RGS7BP: variants seen among roughly 807,000 people sequenced by gnomAD.
The protein encoded by RGS7BP is regulator of G protein signaling 7-binding protein.
Under a neutral mutation model 31.3 loss-of-function variants are expected in RGS7BP, and 9 were observed. That is an observed-to-expected ratio of 0.29 (90% CI 0.17 to 0.50). The LOEUF is 0.50. RGS7BP is among the 20% of genes least tolerant of loss of function. The pLI is 0.98. For synonymous variants in RGS7BP, 115 were observed against 120.1 expected (o/e 0.96, Z 0.28); for missense variants, 274 against 322.0 (o/e 0.85, Z 1.14).
chr5:64,527,939 A>G (rs917603045), intron 2 of RGS7BP, among the ~76,000 whole-genome samples: 16 of 152,200 alleles, frequency 1.1e-4, no homozygotes, highest in African/African-American at 3.4e-4. Context: ...AGAGAGAAAA[A>G]ATCTATCCAC....
At chr5:64,588,752 ATGAAGTCAAGGT>A (rs1357152412) in intron 3 of RGS7BP, among the ~76,000 whole-genome samples, 1 of 152,180 alleles carries the variant, frequency 6.6e-6, no homozygotes, top group Non-Finnish European at 1.5e-5. Context: ...GGACTGAAAG[ATGAAGTCAAGGT>A]ATTCTCCCAG....
chr5:64,557,429 T>G (rs1357624435), intron 2 of RGS7BP, among the ~76,000 whole-genome samples: 2 of 152,176 alleles, frequency 1.3e-5, no homozygotes, highest in Non-Finnish European at 1.5e-5. Flanking sequence ...CTGATACAAG[T>G]GCTCTTTGCA....
intron 2 of RGS7BP, among the ~76,000 whole-genome samples, chr5:64,560,302 C>T (rs1303075636): frequency 6.6e-6 from 1 of 152,006 alleles, no homozygotes; most frequent in Non-Finnish European, 1.5e-5. Context: ...AATGATCAGG[C>T]CCCACCCCTG....
At chr5:64,540,875 G>A (rs1741510541) in intron 2 of RGS7BP, among the ~76,000 whole-genome samples, 1 of 152,174 alleles carries the variant, frequency 6.6e-6, no homozygotes, top group East Asian at 1.9e-4. Flanking sequence ...AAGCCCCTGA[G>A]CAAAGATGAC....
Position 64,506,576 on chromosome 5 carries a change from G to A in RGS7BP, c.-49G>A, listed in dbSNP as rs1456832481. On this transcript the variant is annotated 5_prime_UTR_variant, in exon 1 of 6. Transcript: ENST00000334025. This position sits in a 1 kb window ranked among gnomAD's most constrained non-coding sequence, Gnocchi z 4.6. Reference sequence around the variant, plus strand: ...GCCCAGGGCAACAACCGGGCCGCCCGCGCCGGGGCGCACTGCACCAGCGGC... The same window carrying A: ...GCCCAGGGCAACAACCGGGCCGCCCACGCCGGGGCGCACTGCACCAGCGGC... 1.3e-6 allele frequency: 2 copies of A among 1,531,466 alleles called. No homozygotes were observed. The highest frequency in any genetic ancestry group is 1.4e-5 in the African/African-American group (1 of 72,172). 94.9% of individuals were successfully genotyped at this position (1,531,466 alleles called of 1,614,324 possible). A position where few individuals can be genotyped will look rare whatever the true frequency, so the allele number is the denominator to read the frequency against.
intron 5 of RGS7BP, among the ~76,000 whole-genome samples, chr5:64,602,164 G>A (rs1743235349): frequency 6.6e-6 from 1 of 152,110 alleles, no homozygotes; most frequent in African/African-American, 2.4e-5. Context: ...GCTGTGTGAG[G>A]CAGAAGAATT....
chr5:64,575,775 C>G lies in RGS7BP; in HGVS notation c.334C>G (p.Pro112Ala), dbSNP rs1217692165. 1 of 1,605,752 alleles carries G rather than the reference C, an allele frequency of 6.2e-7. No homozygotes were observed. Among genetic ancestry groups the G allele is most frequent in the Admixed American group, 1.7e-5 (1 of 58,508 alleles). The change falls in exon 3 of 6, where the codon CCG (proline) becomes GCG (alanine). Residue 112 changes from proline to alanine, a missense_variant and splice_region_variant. By Grantham distance (27) the Pro-to-Ala change is conservative. This residue lies in a region of RGS7BP where 149 missense variants were observed against 152.6 expected (regional missense o/e 0.98). Coordinates refer to ENST00000334025, the MANE Select transcript of RGS7BP (RefSeq NM_001029875.3). Reference protein sequence around the residue: ...AHQKLAAISGPEDGEIHPEIC... With the variant: ...AHQKLAAISGAEDGEIHPEIC... ...CTTTTCTCTTTCATTCTGTTGCAGC[C>G]CGGAAGATGGTGAGATCCATCCAGA...
At chr5:64,565,024 C>T (rs188882980) in intron 2 of RGS7BP, among the ~76,000 whole-genome samples, 3 of 152,262 alleles carry the variant, frequency 2.0e-5, no homozygotes, top group East Asian at 3.9e-4. Flanking sequence ...ATTTGGACCA[C>T]ATGCCACTAG....
At chr5:64,600,056 C>G (rs1743178876) in intron 5 of RGS7BP, among the ~76,000 whole-genome samples, 1 of 152,194 alleles carries the variant, frequency 6.6e-6, no homozygotes, top group African/African-American at 2.4e-5. Flanking sequence ...CCTGCTACCA[C>G]TCACTCTGCA....
At chr5:64,586,320 G>A (rs28637818) in intron 3 of RGS7BP, among the ~76,000 whole-genome samples, 5,869 of 152,096 alleles carry the variant, frequency 0.039, 382 homozygotes, top group African/African-American at 0.13. Flanking sequence ...CACCTCGCCT[G>A]CCCTTATACC....
intron 3 of RGS7BP, among the ~76,000 whole-genome samples, chr5:64,579,555 A>C (rs1262733687): frequency 3.3e-5 from 5 of 149,870 alleles, no homozygotes; most frequent in African/African-American, 1.2e-4. Context: ...AAAAAAAAAA[A>C]AAAAAAAAAA....
At chr5:64,517,431 T>C (rs929516137) in intron 2 of RGS7BP, among the ~76,000 whole-genome samples, 1 of 152,204 alleles carries the variant, frequency 6.6e-6, no homozygotes, top group South Asian at 2.1e-4. Flanking sequence ...CCAACCTATA[T>C]TCCTGGATTT....
intron 2 of RGS7BP, among the ~76,000 whole-genome samples, chr5:64,513,292 C>T (rs980466300): frequency 3.9e-4 from 60 of 152,136 alleles, no homozygotes; most frequent in African/African-American, 1.4e-3. Context: ...CCTGACCAAC[C>T]AGACCTGTTT....
intron 2 of RGS7BP, among the ~76,000 whole-genome samples, chr5:64,520,374 T>G (rs1379226677): frequency 6.6e-6 from 1 of 151,814 alleles, no homozygotes; most frequent in East Asian, 1.9e-4. Flanking sequence ...GATTTGAGGG[T>G]TTTTAAGGTT....
intron 4 of RGS7BP, among the ~76,000 whole-genome samples, chr5:64,597,187 G>T (rs1410236819): frequency 6.6e-6 from 1 of 152,086 alleles, no homozygotes; most frequent in Non-Finnish European, 1.5e-5. Context: ...CGTGTGTAGG[G>T]ACAATTGTCC....
intron 2 of RGS7BP, among the ~76,000 whole-genome samples, chr5:64,565,889 T>C (rs1742157605): frequency 6.6e-6 from 1 of 152,206 alleles, no homozygotes; most frequent in African/African-American, 2.4e-5. Context: ...ACATCTCATA[T>C]TGGCATGAAG....
At chr5:64,520,934 A>C (rs941207939) in intron 2 of RGS7BP, among the ~76,000 whole-genome samples, 1 of 152,226 alleles carries the variant, frequency 6.6e-6, no homozygotes, top group Non-Finnish European at 1.5e-5. Flanking sequence ...GAGATCCGGG[A>C]GAGATTATCA....
chr5:64,597,463 T>G (rs6449741), intron 4 of RGS7BP, among the ~76,000 whole-genome samples: 24,354 of 151,870 alleles, frequency 0.16, 2,344 homozygotes, highest in African/African-American at 0.27. Flanking sequence ...TCATCCATTG[T>G]AAGGAGCTCT....
chr5:64,575,769 T>C lies in RGS7BP; in HGVS notation c.333-5T>C. On this transcript the variant is annotated splice_polypyrimidine_tract_variant and splice_region_variant and intron_variant, in intron 2 of 5. Coordinates refer to ENST00000334025, the MANE Select transcript of RGS7BP (RefSeq NM_001029875.3). ...TCACAGCTTTTCTCTTTCATTCTGT[T>C]GCAGCCCGGAAGATGGTGAGATCCA... The C allele has an allele frequency of 6.2e-7, 1 of 1,605,102 alleles. No individual in the cohort carries two copies. Among genetic ancestry groups the C allele is most frequent in the South Asian group, 1.1e-5 (1 of 89,094 alleles).
Sources: gnomAD v4.1 joint callset for allele counts (sites outside exome capture counted in the v4.1 genomes callset) on GRCh38, gnomAD v4.1.1 for gene constraint, gnomAD v4.1.1 regional missense constraint, Gnocchi (gnomAD v3.1) non-coding constraint, MANE v1.5 for transcripts, NCBI Gene and HGNC (gene_info 2026-07-23, HGNC 2026-07-21) for gene names.